The following WASF1 variants were observed in gnomAD, a reference collection of about 807,000 sequenced individuals.
WASF1 encodes WASP family member 1.
WASF1 carries 7 observed loss-of-function variants against 50.5 expected under a neutral mutation model. That is an observed-to-expected ratio of 0.14 (90% CI 0.08 to 0.26). The LOEUF (loss-of-function observed/expected upper bound fraction) is 0.26, where lower values mean the gene tolerates loss of function less well. Ranked by LOEUF, WASF1 falls within the 10% of genes least tolerant of loss-of-function variation. The pLI, the probability that WASF1 is intolerant of heterozygous loss-of-function variation, is 1.00. For missense variants in WASF1, 470 were observed against 694.7 expected (o/e 0.68, Z 3.64); for synonymous variants, 205 against 244.0 (o/e 0.84, Z 1.49).
chr6:110,146,449 TTA>T (rs1775565488), intron 3 of WASF1, among the ~76,000 whole-genome samples: 3 of 152,006 alleles, frequency 2.0e-5, no homozygotes. Context: ...ACAAAATACT[TTA>T]TAATTGTGAC....
At position 110,160,733 on chromosome 6, in the gene WASF1, CTG is replaced by C. The variant is rs1776229369; in HGVS notation, c.-126-3_-126-2del. The C allele has an allele frequency of 6.6e-6, 1 of 151,740 alleles. No individual in the cohort carries two copies. Among genetic ancestry groups the C allele is most frequent in the Admixed American group, 6.6e-5 (1 of 15,190 alleles). 9.4% of individuals were successfully genotyped at this position (151,740 alleles called of 1,614,324 possible). On this transcript the variant is annotated splice_acceptor_variant and splice_polypyrimidine_tract_variant and intron_variant, in intron 2 of 10. Transcript: ENST00000392589. LOFTEE classifies it low-confidence loss of function (5UTR_SPLICE). ...TTTTAACATGCTGATTTCTCCAACA[CTG>C]TTTAAAATTGAGAACAAAAATAATA...
intron 2 of WASF1, among the ~76,000 whole-genome samples, chr6:110,163,086 C>T (rs1419637003): frequency 6.6e-6 from 1 of 151,574 alleles, no homozygotes; most frequent in Non-Finnish European, 1.5e-5. Flanking sequence ...AACATCTTAA[C>T]AACGAATACG....
At chr6:110,154,410 G>A (rs1465428703) in intron 3 of WASF1, among the ~76,000 whole-genome samples, 3 of 151,956 alleles carry the variant, frequency 2.0e-5, no homozygotes, top group African/African-American at 7.2e-5. Flanking sequence ...GAATTCTAAA[G>A]GTAATACCTA....
At chr6:110,172,539 A>G (rs760165534) in intron 2 of WASF1, among the ~76,000 whole-genome samples, 3 of 152,150 alleles carry the variant, frequency 2.0e-5, no homozygotes, top group Non-Finnish European at 4.4e-5. Context: ...GAATCAACCT[A>G]AGTGTCCATC....
intron 2 of WASF1, among the ~76,000 whole-genome samples, chr6:110,164,453 GA>G (rs1776388577): frequency 6.6e-6 from 1 of 151,616 alleles, no homozygotes; most frequent in Non-Finnish European, 1.5e-5. Context: ...ATAAGCATAT[GA>G]AAAGATGCTC....
At chr6:110,155,448 A>G (rs571141272) in intron 3 of WASF1, among the ~76,000 whole-genome samples, 1 of 151,710 alleles carries the variant, frequency 6.6e-6, no homozygotes, top group East Asian at 1.9e-4. Flanking sequence ...CAGAAAAAAA[A>G]TCTTTTTATA....
At position 110,103,402 on chromosome 6, in the gene WASF1, G is replaced by A. The variant is rs1211348681; in HGVS notation, c.869C>T (p.Ala290Val). The change falls in exon 9 of 11, where the codon GCA becomes GTA. Residue 290 changes from alanine to valine, a missense_variant. Coordinates refer to ENST00000392589, the MANE Select transcript of WASF1 (RefSeq NM_003931.3). ...PPPPMHGAGD[A>V]KPIPTCISSA... ...CCTGATACAGGTGGGTATCGGTTTT[G>A]CATCTCCTGCTCCATGCATTGGTGG... is the stretch of plus-strand genomic sequence containing the variant. 6 of 1,613,494 alleles carry A rather than the reference G, an allele frequency of 3.7e-6. No homozygotes were observed. Among genetic ancestry groups the A allele is most frequent in the Non-Finnish European group, 5.1e-6 (6 of 1,179,664 alleles).
chr6:110,178,409 C>A (rs1318711793), intron 2 of WASF1, among the ~76,000 whole-genome samples, 189 bp downstream of exon 2: 1 of 152,068 alleles, frequency 6.6e-6, no homozygotes, highest in Non-Finnish European at 1.5e-5. Context: ...ATGTTACCTA[C>A]CATGCAAATT....
intron 3 of WASF1, among the ~76,000 whole-genome samples, chr6:110,144,043 C>A (rs568341867): frequency 6.6e-6 from 1 of 152,150 alleles, no homozygotes; most frequent in African/African-American, 2.4e-5. Context: ...ACCACACCGA[C>A]TTCCACAATG....
intron 8 of WASF1, among the ~76,000 whole-genome samples, chr6:110,104,885 G>A (rs1372183995): frequency 6.6e-6 from 1 of 152,078 alleles, no homozygotes; most frequent in East Asian, 1.9e-4. Context: ...ATTTAGTTAG[G>A]GCCCCTGGCC....
intron 2 of WASF1, among the ~76,000 whole-genome samples, chr6:110,168,824 T>C (rs1382499113): frequency 6.6e-6 from 1 of 152,070 alleles, no homozygotes; most frequent in Non-Finnish European, 1.5e-5. Flanking sequence ...TATTCTACCC[T>C]ATCCATTCAT....
intron 4 of WASF1, 94 bp downstream of exon 4, chr6:110,127,375 T>G: frequency 8.7e-7 from 1 of 1,153,192 alleles, no homozygotes; most frequent in Non-Finnish European, 1.2e-6. Flanking sequence ...TCTCACCAAA[T>G]CATACTCCCA....
At chr6:110,174,805 A>G (rs1158098162) in intron 2 of WASF1, among the ~76,000 whole-genome samples, 1 of 152,170 alleles carries the variant, frequency 6.6e-6, no homozygotes, top group Non-Finnish European at 1.5e-5. Context: ...ACTCCAATGC[A>G]TATGACAAAA....
intron 3 of WASF1, among the ~76,000 whole-genome samples, chr6:110,140,305 C>T (rs1209197239): frequency 1.3e-5 from 2 of 152,160 alleles, no homozygotes; most frequent in Non-Finnish European, 2.9e-5. Context: ...TGCTCTATGC[C>T]CCTTCCCCTA....
intron 3 of WASF1, among the ~76,000 whole-genome samples, chr6:110,160,067 A>G (rs1290383831): frequency 6.6e-6 from 1 of 151,868 alleles, no homozygotes; most frequent in Non-Finnish European, 1.5e-5. Context: ...AGTTAGAATA[A>G]GTCTAATTTA....
At chr6:110,134,248 G>A (rs763355701) in intron 3 of WASF1, among the ~76,000 whole-genome samples, 3 of 151,938 alleles carry the variant, frequency 2.0e-5, no homozygotes, top group Non-Finnish European at 2.9e-5. Flanking sequence ...GGTGAGAGAT[G>A]AGGATCCAGT....
chr6:110,142,952 T>TAAAAAAAAAAAAAAAAAA (rs5879060), intron 3 of WASF1, among the ~76,000 whole-genome samples: 23 of 119,134 alleles, frequency 1.9e-4, no homozygotes, highest in African/African-American at 5.7e-4. Flanking sequence ...CCCAATGATG[T>TAAAAAAAAAAAAAAAAAA]AAAAAAAAAA....
chr6:110,124,211 CT>C, intron 4 of WASF1, among the ~76,000 whole-genome samples: 1 of 79,694 alleles, frequency 1.3e-5, no homozygotes, highest in African/African-American at 7.2e-5. Flanking sequence ...CTCTCTCTCT[CT>C]CTCTCCTCTC....
intron 6 of WASF1, 145 bp downstream of exon 6, chr6:110,108,383 A>G (rs1773418892): frequency 1.4e-6 from 1 of 721,154 alleles, no homozygotes; most frequent in African/African-American, 1.8e-5. Context: ...CAATGAATAA[A>G]AGCAAAGGTT....
Sources: allele counts gnomAD v4.1 joint callset (sites outside exome capture counted in the v4.1 genomes callset), GRCh38; gene constraint gnomAD v4.1.1; transcripts MANE v1.5; gene names NCBI Gene and HGNC (gene_info 2026-07-23, HGNC 2026-07-21).